The following CADPS2 variants were observed in gnomAD, a reference collection of about 807,000 sequenced individuals.
CADPS2 encodes calcium dependent secretion activator 2, also known as calcium-dependent secretion activator 2.
CADPS2 carries 93 observed loss-of-function variants against 172.5 expected under a neutral mutation model. That is an observed-to-expected ratio of 0.54 (90% CI 0.46 to 0.64). CADPS2 has a LOEUF of 0.64. Among genes scored for constraint, CADPS2 ranks in the 30% least tolerant of loss-of-function variants. CADPS2 has a pLI of 0.00. For missense variants in CADPS2, 1,420 were observed against 1,565.9 expected (o/e 0.91, Z 1.57); for synonymous variants, 546 against 555.2 (o/e 0.98, Z 0.23).
chr7:122,877,715 G>C (rs954947348), intron 1 of CADPS2, among the ~76,000 whole-genome samples: 5 of 152,102 alleles, frequency 3.3e-5, no homozygotes, highest in African/African-American at 1.2e-4. Context: ...GATATCGTAT[G>C]CTCCTAGAAG....
chr7:122,575,020 A>G (rs2067808446), intron 7 of CADPS2, among the ~76,000 whole-genome samples: 1 of 152,162 alleles, frequency 6.6e-6, no homozygotes, highest in Non-Finnish European at 1.5e-5. Flanking sequence ...GGGAAGCACA[A>G]AACATTATGT....
chr7:122,743,489 A>G (rs908784727), intron 1 of CADPS2, among the ~76,000 whole-genome samples: 1 of 152,144 alleles, frequency 6.6e-6, no homozygotes, highest in Non-Finnish European at 1.5e-5. Flanking sequence ...CAGGAGTCTC[A>G]GTACTTACAG....
intron 6 of CADPS2, 35 bp downstream of exon 6, chr7:122,615,143 AAAC>A (rs2074756964): frequency 2.4e-6 from 3 of 1,274,904 alleles, no homozygotes; most frequent in East Asian, 2.6e-5. Context: ...TTAAAAAAAC[AAAC>A]AACAACAATA....
chr7:122,423,891 C>T (rs1050536314), intron 17 of CADPS2, among the ~76,000 whole-genome samples: 9 of 152,152 alleles, frequency 5.9e-5, no homozygotes, highest in East Asian at 1.9e-4. Flanking sequence ...CCAGTAGTTA[C>T]GAAAAACAAA....
intron 6 of CADPS2, among the ~76,000 whole-genome samples, chr7:122,614,764 G>A (rs1426841183): frequency 6.6e-6 from 1 of 152,144 alleles, no homozygotes; most frequent in Non-Finnish European, 1.5e-5. Context: ...AAGTCATTGT[G>A]CAGAATCATG....
chr7:122,547,716 C>T (rs1348739087), intron 8 of CADPS2, among the ~76,000 whole-genome samples: 1 of 151,918 alleles, frequency 6.6e-6, no homozygotes, highest in African/African-American at 2.4e-5. Flanking sequence ...AAATATCACA[C>T]AGATAATAAG....
At chr7:122,330,715 C>T (rs2034777680) in intron 28 of CADPS2, 1 of 152,256 alleles carries the variant, frequency 6.6e-6, no homozygotes, top group African/African-American at 2.4e-5. Flanking sequence ...ACATTCCCAG[C>T]TCAATCCAGA....
chr7:122,468,882 T>C lies in CADPS2; in HGVS notation c.2186+2493A>G, dbSNP rs184164829. ...TTGAGGCTCAAATTTCCCTCAACCC[T>C]ATATTTCTTCCTTTCTTTTTCTTAA... On this transcript the variant is annotated intron_variant, in intron 14 of 29. Transcript: ENST00000449022. Among the ~76,000 whole-genome samples the C allele has an allele frequency of 3.2e-3, 482 of 152,320 alleles. 3 individuals carry two copies. Among genetic ancestry groups the C allele is most frequent in the Non-Finnish European group, 5.7e-3 (390 of 68,022 alleles).
intron 1 of CADPS2, among the ~76,000 whole-genome samples, chr7:122,752,629 A>G (rs1311527435): frequency 1.3e-5 from 2 of 152,160 alleles, no homozygotes; most frequent in Non-Finnish European, 2.9e-5. Context: ...CTTCCCAAAC[A>G]TTAGTCATAC....
In CADPS2 at chr7:122,885,998, CCTT is replaced by C; in HGVS notation, c.337_339del (p.Lys113del). On this transcript the variant is annotated inframe_deletion and splice_region_variant, in exon 1 of 30. Coordinates refer to ENST00000449022, the MANE Select transcript of CADPS2 (RefSeq NM_017954.11). ...AGGAGGCGCCCGGTCCCGCAACTCACCTTCTGCTGCCTCCGGGCCATGTCGGTG... is the reference window on the plus strand; with the variant it reads ...AGGAGGCGCCCGGTCCCGCAACTCACCTGCTGCCTCCGGGCCATGTCGGTG... 1 of 1,603,338 alleles carries C rather than the reference CCTT, an allele frequency of 6.2e-7. No individual in the cohort carries two copies. The highest frequency in any genetic ancestry group is 8.5e-7 in the Non-Finnish European group (1 of 1,175,418).
At chr7:122,649,205 T>A (rs1049482885) in intron 3 of CADPS2, among the ~76,000 whole-genome samples, 1 of 152,034 alleles carries the variant, frequency 6.6e-6, no homozygotes, top group African/African-American at 2.4e-5. Flanking sequence ...CAGATTCCAA[T>A]CCATTTCATG....
intron 1 of CADPS2, among the ~76,000 whole-genome samples, chr7:122,750,777 C>T (rs145991031): frequency 5.1e-4 from 77 of 152,250 alleles, no homozygotes; most frequent in African/African-American, 1.8e-3. Flanking sequence ...AGACCTACCC[C>T]ACACCTACTA....
chr7:122,615,409 TTTG>T, intron 5 of CADPS2, 110 bp from the exon 6 acceptor site: 1 of 601,856 alleles, frequency 1.7e-6, no homozygotes, highest in Admixed American at 3.6e-5. Context: ...TGAAAAAAAA[TTTG>T]TTTTTTGTTA....
At chr7:122,588,030 T>C (rs1490424602) in intron 6 of CADPS2, among the ~76,000 whole-genome samples, 1 of 152,118 alleles carries the variant, frequency 6.6e-6, no homozygotes, top group Non-Finnish European at 1.5e-5. Context: ...TATCTGTTTA[T>C]GTCCTTTGCC....
intron 22 of CADPS2, among the ~76,000 whole-genome samples, chr7:122,389,321 C>T (rs2044087002): frequency 6.6e-6 from 1 of 151,868 alleles, no homozygotes; most frequent in South Asian, 2.1e-4. Context: ...TTATTAAAAC[C>T]CAACTTAGTG....
At chr7:122,607,889 G>C (rs2073785300) in intron 6 of CADPS2, among the ~76,000 whole-genome samples, 6 of 152,126 alleles carry the variant, frequency 3.9e-5, no homozygotes, top group Admixed American at 3.9e-4. Flanking sequence ...GAAAACTTTT[G>C]TGTGGTTTGA....
chr7:122,610,893 C>T (rs1007563067), intron 6 of CADPS2, among the ~76,000 whole-genome samples: 2 of 152,128 alleles, frequency 1.3e-5, no homozygotes, highest in Non-Finnish European at 1.5e-5. Flanking sequence ...GACTTCAATT[C>T]TCTCGGCCAC....
intron 2 of CADPS2, among the ~76,000 whole-genome samples, chr7:122,682,776 T>C (rs992009571): frequency 1.3e-5 from 2 of 152,168 alleles, no homozygotes; most frequent in African/African-American, 2.4e-5. Context: ...GCTAAGAGAC[T>C]CTGAACCATT....
In CADPS2 at chr7:122,761,974, G is replaced by A. The variant is rs538389487; in HGVS notation, c.340-24906C>T. Among the ~76,000 whole-genome samples, 394 of 140,720 alleles carry A rather than the reference G, an allele frequency of 2.8e-3. 2 individuals are homozygous for A. Among genetic ancestry groups the A allele is most frequent in the Middle Eastern group, 0.026 (7 of 266 alleles). The allele number at this position is 140,720 out of a possible 152,430, so 92.3% of individuals were successfully genotyped here. On this transcript the variant is annotated intron_variant, in intron 1 of 29. Transcript: ENST00000449022. ...GATCATGCCACTACACTCTAGCCTG[G>A]GTGAAAAGTGAGACTCTGCCTCAAA...
Sources: allele counts gnomAD v4.1 joint callset (sites outside exome capture counted in the v4.1 genomes callset), GRCh38; gene constraint gnomAD v4.1.1; transcripts MANE v1.5; gene names NCBI Gene and HGNC (gene_info 2026-07-23, HGNC 2026-07-21).